The following PRKCA variants were observed in gnomAD, a reference collection of about 807,000 sequenced individuals.
The protein encoded by PRKCA is protein kinase C alpha.
A neutral mutation model predicts 87.0 loss-of-function variants in PRKCA; 27 were observed. The observed-to-expected ratio is 0.31, with a 90% CI of 0.23 to 0.43. The LOEUF is 0.43. Among genes scored for constraint, PRKCA ranks in the 20% least tolerant of loss-of-function variants. PRKCA has a pLI of 1.00. For missense variants in PRKCA, 518 were observed against 852.3 expected (o/e 0.61, Z 4.88); for synonymous variants, 329 against 311.1 (o/e 1.06, Z -0.61).
intron 2 of PRKCA, among the ~76,000 whole-genome samples, chr17:66,346,200 G>A (rs953596047): frequency 4.6e-5 from 7 of 151,320 alleles, no homozygotes; most frequent in African/African-American, 1.7e-4. Context: ...GGGTTCAGGC[G>A]ATTCTCCTGC....
At chr17:66,348,247 T>C (rs150761385) in intron 2 of PRKCA, among the ~76,000 whole-genome samples, 5 of 151,992 alleles carry the variant, frequency 3.3e-5, no homozygotes, top group Admixed American at 2.6e-4. Context: ...TGGCCCAGAA[T>C]CAATAATTGT....
intron 3 of PRKCA, among the ~76,000 whole-genome samples, chr17:66,586,756 G>A (rs1969610169): frequency 6.6e-6 from 1 of 152,204 alleles, no homozygotes; most frequent in Non-Finnish European, 1.5e-5. Flanking sequence ...CTCCAGTGAA[G>A]CTTGAGTTTC....
chr17:66,615,443 T>C (rs1970489133), intron 3 of PRKCA, among the ~76,000 whole-genome samples: 1 of 152,142 alleles, frequency 6.6e-6, no homozygotes, highest in African/African-American at 2.4e-5. Context: ...GAAGTGAACC[T>C]TGTATGTAGC....
intron 2 of PRKCA, among the ~76,000 whole-genome samples, chr17:66,376,531 C>T (rs149765470): frequency 7.2e-5 from 11 of 152,080 alleles, no homozygotes; most frequent in African/African-American, 2.7e-4. Flanking sequence ...TCGCTTGAAC[C>T]TGGGAGGCAG....
At chr17:66,410,813 C>T (rs899215048) in intron 2 of PRKCA, among the ~76,000 whole-genome samples, 9 of 152,134 alleles carry the variant, frequency 5.9e-5, no homozygotes, top group Admixed American at 6.6e-5. Context: ...TGACCTCAGG[C>T]GATCCGCCCA....
At chr17:66,376,670 C>G (rs1909434369) in intron 2 of PRKCA, among the ~76,000 whole-genome samples, 2 of 152,010 alleles carry the variant, frequency 1.3e-5, no homozygotes, top group Admixed American at 1.3e-4. Flanking sequence ...CCCTCCACCC[C>G]AGCTCTCATC....
intron 16 of PRKCA, among the ~76,000 whole-genome samples, chr17:66,802,512 A>G (rs1598019002): frequency 6.6e-6 from 1 of 151,970 alleles, no homozygotes; most frequent in Non-Finnish European, 1.5e-5. Flanking sequence ...GCGACAGAGC[A>G]AGACTCCATC....
intron 3 of PRKCA, among the ~76,000 whole-genome samples, chr17:66,602,662 C>T (rs991437758): frequency 6.6e-6 from 1 of 152,202 alleles, no homozygotes; most frequent in Non-Finnish European, 1.5e-5. Context: ...TGTAGTATAG[C>T]CACTGTAGAA....
intron 3 of PRKCA, among the ~76,000 whole-genome samples, chr17:66,614,127 G>T (rs967917894): frequency 2.6e-5 from 4 of 152,036 alleles, no homozygotes; most frequent in Non-Finnish European, 4.4e-5. Flanking sequence ...CACCTGCAGA[G>T]ACCCTATTTC....
intron 2 of PRKCA, among the ~76,000 whole-genome samples, chr17:66,462,134 GGACA>G (rs1185631369): frequency 6.6e-6 from 1 of 152,156 alleles, no homozygotes; most frequent in Non-Finnish European, 1.5e-5. Flanking sequence ...AACTCAAGTT[GGACA>G]GACAAATCCC....
intron 3 of PRKCA, among the ~76,000 whole-genome samples, chr17:66,560,567 T>C (rs970460237): frequency 1.3e-5 from 2 of 152,110 alleles, no homozygotes; most frequent in Non-Finnish European, 2.9e-5. Flanking sequence ...GGAATCTCTG[T>C]TTTCTCTTCT....
intron 2 of PRKCA, among the ~76,000 whole-genome samples, chr17:66,357,202 G>GT (rs1395958942): frequency 6.6e-6 from 1 of 152,194 alleles, no homozygotes; most frequent in African/African-American, 2.4e-5. Flanking sequence ...TGAGTCATGG[G>GT]TATAGGAACT....
chr17:66,489,942 A>C (rs961880838), intron 2 of PRKCA, among the ~76,000 whole-genome samples: 1 of 151,660 alleles, frequency 6.6e-6, no homozygotes, highest in Non-Finnish European at 1.5e-5. Context: ...CACCACACCC[A>C]GCTAATTTTT....
intron 3 of PRKCA, among the ~76,000 whole-genome samples, chr17:66,594,081 G>A (rs186714597): frequency 5.9e-5 from 9 of 152,238 alleles, no homozygotes; most frequent in East Asian, 1.9e-4. Flanking sequence ...ATGAAACTCC[G>A]TCTCAGAAAA....
chr17:66,602,277 C>T lies in PRKCA; in HGVS notation c.289-39078C>T, dbSNP rs1303756481. Reference sequence around the variant, plus strand: ...TGTGGGATATAGTCTCGTGGTGCGCCGTTTCTTAAGCCGGTCTGAAAAGCG... The same window carrying T: ...TGTGGGATATAGTCTCGTGGTGCGCTGTTTCTTAAGCCGGTCTGAAAAGCG... On this transcript the variant is annotated intron_variant, in intron 3 of 16. Transcript: ENST00000413366. Among the ~76,000 whole-genome samples the T allele has an allele frequency of 2.7e-5, 3 of 110,826 alleles. 1 individual carries two copies. The highest frequency in any genetic ancestry group is 4.8e-4 in the East Asian group (2 of 4,152). The allele number at this position is 110,826 out of a possible 152,430, so 72.7% of individuals were successfully genotyped here. A position where few individuals can be genotyped will look rare whatever the true frequency, so the allele number is the denominator to read the frequency against.
chr17:66,476,372 C>T (rs937080515), intron 2 of PRKCA, among the ~76,000 whole-genome samples: 1 of 152,322 alleles, frequency 6.6e-6, no homozygotes, highest in South Asian at 2.1e-4. Flanking sequence ...CTGCACAGCA[C>T]TTCCTGCCAC....
intron 3 of PRKCA, among the ~76,000 whole-genome samples, chr17:66,585,295 A>G (rs1172930925): frequency 6.6e-6 from 1 of 152,116 alleles, no homozygotes; most frequent in Non-Finnish European, 1.5e-5. Flanking sequence ...TCCATGTTGA[A>G]CACGCCTGAC....
At chr17:66,743,420 T>C (rs1974200840) in intron 13 of PRKCA, among the ~76,000 whole-genome samples, 1 of 152,224 alleles carries the variant, frequency 6.6e-6, no homozygotes, top group African/African-American at 2.4e-5. Context: ...GATGGTGTAT[T>C]AGCAGCATCG....
At chr17:66,545,159 T>C (rs1968105679) in intron 3 of PRKCA, among the ~76,000 whole-genome samples, 1 of 152,168 alleles carries the variant, frequency 6.6e-6, no homozygotes. Context: ...CTGGGCGCAG[T>C]GAATCACGCC....
Sources: allele counts gnomAD v4.1 joint callset (sites outside exome capture counted in the v4.1 genomes callset), GRCh38; gene constraint gnomAD v4.1.1; transcripts MANE v1.5; gene names NCBI Gene and HGNC (gene_info 2026-07-23, HGNC 2026-07-21).